The following YBX3 variants were observed in gnomAD, a reference collection of about 807,000 sequenced individuals.
YBX3 encodes the protein Y-box binding protein 3, also known as Y-box-binding protein 3.
YBX3 carries 29 observed loss-of-function variants against 42.4 expected under a neutral mutation model. The observed-to-expected ratio is 0.68, with a 90% confidence interval of 0.51 to 0.93. The LOEUF is 0.93. YBX3 is among the 40% of genes least tolerant of loss of function. The probability of loss-of-function intolerance (pLI) is 0.00; values close to 1 mark genes in which losing one functional copy is unlikely to be tolerated. For missense variants in YBX3, 517 were observed against 527.5 expected, an observed-to-expected ratio of 0.98 and a Z score of 0.19; for synonymous variants, 195 against 189.8, an observed-to-expected ratio of 1.03 and a Z score of -0.22.
At chr12:10,712,445 A>G (rs1327192703) in intron 5 of YBX3, 1 of 152,222 alleles carries the variant, frequency 6.6e-6, no homozygotes, top group African/African-American at 2.4e-5. Context: ...CAACCTAAAG[A>G]ACTAAAAATC....
intron 5 of YBX3, chr12:10,712,134 A>C (rs1041531099): frequency 6.6e-6 from 1 of 152,232 alleles, no homozygotes; most frequent in Non-Finnish European, 1.5e-5. Flanking sequence ...GAAAGATATA[A>C]AGCTATCAAA....
At chr12:10,702,381 C>T (rs936700149) in intron 7 of YBX3, 7 of 227,030 alleles carry the variant, frequency 3.1e-5, no homozygotes, top group South Asian at 2.2e-4. Flanking sequence ...ATTAGCCGGG[C>T]GTGGTGGCAC....
intron 6 of YBX3, among the ~76,000 whole-genome samples, chr12:10,705,373 A>C: frequency 6.6e-6 from 1 of 152,176 alleles, no homozygotes; most frequent in East Asian, 1.9e-4. Flanking sequence ...GATTACAGGC[A>C]TGAGCCACCA....
intron 1 of YBX3, chr12:10,721,986 C>CA (rs1948331977): frequency 6.6e-6 from 1 of 152,318 alleles, no homozygotes; most frequent in Admixed American, 6.5e-5. Flanking sequence ...ACTGCCCCCC[C>CA]AAATCTCAAC....
At chr12:10,702,991 A>G (rs1948098324) in intron 7 of YBX3, 1 of 152,142 alleles carries the variant, frequency 6.6e-6, no homozygotes, top group Non-Finnish European at 1.5e-5. Context: ...GTCAAATATG[A>G]CTTTCCAAGA....
At chr12:10,717,195 G>T (rs2120975717) in intron 3 of YBX3, among the ~76,000 whole-genome samples, 1 of 152,148 alleles carries the variant, frequency 6.6e-6, no homozygotes, top group East Asian at 1.9e-4. Flanking sequence ...AACTCCTACG[G>T]TCACTCCAAT....
At chr12:10,721,248 G>C (rs1948321381) in intron 1 of YBX3, among the ~76,000 whole-genome samples, 1 of 152,174 alleles carries the variant, frequency 6.6e-6, no homozygotes, top group Non-Finnish European at 1.5e-5. Flanking sequence ...AAAGATAAAA[G>C]GCATCAGACT....
intron 1 of YBX3, chr12:10,721,797 AC>A (rs1212023734): frequency 1.3e-5 from 2 of 152,104 alleles, no homozygotes; most frequent in African/African-American, 4.8e-5. Context: ...AGCATCCTAC[AC>A]CATCTGTTAA....
rs1171228476 is a variant in YBX3 at position 10,715,754 on chromosome 12, T to C, written c.390A>G (p.Lys130=). 2 of 1,613,962 alleles carry C rather than the reference T, an allele frequency of 1.2e-6. No homozygotes were observed. The highest frequency in any genetic ancestry group is 1.7e-6 in the Non-Finnish European group (2 of 1,179,992). ...CTCCATCTCCTACACTGCGCAGATA[T>C]TTCCGTGGGTTATTCTTCTTGATGG... The part of the protein sequence containing the change: ...QTAIKKNNPR[K]YLRSVGDGET... Residue 130 remains lysine (K), a synonymous_variant, in exon 4 of 10, where the codon AAA becomes AAG. Transcript: ENST00000228251.
rs554400177 is a variant in YBX3 at position 10,708,168 on chromosome 12, A to T, written c.780+1740T>A. ...ATATAATTATTTTCTCAAAGACAAC[A>T]AGCACATAGTAGCTCAGTGAATGAT... On this transcript the variant is annotated intron_variant, in intron 6 of 9. Transcript: ENST00000228251. Among the ~76,000 whole-genome samples, 5 of 152,354 alleles carry T rather than the reference A, an allele frequency of 3.3e-5. No individual in the cohort carries two copies. In the East Asian group the frequency reaches 9.6e-4, roughly 29 times the overall value.
At chr12:10,712,923 A>C in intron 5 of YBX3, 1 of 284,812 alleles carries the variant, frequency 3.5e-6, no homozygotes, top group Non-Finnish European at 6.5e-6. Flanking sequence ...TTTCCCCTTA[A>C]GAGTACCGTG....
Position 10,704,129 on chromosome 12 carries a change from A to T in YBX3, c.800T>A (p.Met267Lys). 1.2e-6 allele frequency: 2 copies of T among 1,614,210 alleles called. No individual in the cohort carries two copies. The highest frequency in any genetic ancestry group is 1.7e-6 in the Non-Finnish European group (2 of 1,180,024). The change falls in exon 7 of 10, where the codon ATG becomes AAG. Residue 267 changes from methionine to lysine, a missense_variant. This residue lies in a region of YBX3 where 420 missense variants were observed against 408.5 expected (regional missense o/e 1.03). Coordinates refer to ENST00000228251, the MANE Select transcript of YBX3 (RefSeq NM_003651.5). ...TGCTCCCTCTGGGACTCCATCCTTC[A>T]TCTCTCCAATCTCACCAGCCTGGAG... ...NRIQAGEIGE[M>K]KDGVPEGAQL... is the part of the protein sequence containing the mutation.
rs1305043946 is a variant in YBX3 at position 10,699,657 on chromosome 12, G to C, written c.*35-3C>G. On this transcript the variant is annotated splice_polypyrimidine_tract_variant and splice_region_variant and intron_variant, in intron 9 of 9. Coordinates refer to ENST00000228251, the MANE Select transcript of YBX3 (RefSeq NM_003651.5). ...TGGTCATTAATTCTTTAGGTCACCT[G>C]GGAAAAATTAAAATCAAACTTATAA... is the stretch of plus-strand genomic sequence containing the variant. 6.6e-6 allele frequency: 1 copy of C among 152,388 alleles called. No individual in the cohort carries two copies. The highest frequency in any genetic ancestry group is 1.9e-4 in the East Asian group (1 of 5,194). The allele number at this position is 152,388 out of a possible 1,614,324, so 9.4% of individuals were successfully genotyped here.
intron 1 of YBX3, 131 bp downstream of exon 1, chr12:10,722,719 T>C (rs929732925): frequency 7.0e-6 from 6 of 857,572 alleles, no homozygotes; most frequent in Non-Finnish European, 4.6e-6. Flanking sequence ...GACCCGGAGA[T>C]CCCTGGGGAC....
intron 8 of YBX3, 48 bp downstream of exon 8, chr12:10,701,912 A>G (rs763177307): frequency 1.9e-6 from 3 of 1,555,660 alleles, no homozygotes; most frequent in Non-Finnish European, 2.6e-6. Context: ...AAAGTCTGAC[A>G]TGATTAAAGA....
chr12:10,719,804 G>T (rs563021827), intron 1 of YBX3, among the ~76,000 whole-genome samples: 1 of 152,204 alleles, frequency 6.6e-6, no homozygotes, highest in South Asian at 2.1e-4. Flanking sequence ...ACAGTTTTGC[G>T]AATCAAACTT....
At position 10,699,576 on chromosome 12, in the gene YBX3, G is replaced by A. The variant is rs1001275794; in HGVS notation, c.*113C>T. 1 of 152,518 alleles carries A rather than the reference G, an allele frequency of 6.6e-6. No homozygotes were observed. The highest frequency in any genetic ancestry group is 6.5e-5 in the Admixed American group (1 of 15,270). 9.4% of individuals were successfully genotyped at this position (152,518 alleles called of 1,614,324 possible). A position where few individuals can be genotyped will look rare whatever the true frequency, so the allele number is the denominator to read the frequency against. On this transcript the variant is annotated 3_prime_UTR_variant, in exon 10 of 10. Transcript: ENST00000228251. ...TGGTTAGTCTTCCACTTTATTGCTTGGATGTTTCTTTGGTGTTGGTTAAGG... is the reference window on the plus strand; with the variant it reads ...TGGTTAGTCTTCCACTTTATTGCTTAGATGTTTCTTTGGTGTTGGTTAAGG...
intron 6 of YBX3, 143 bp from the exon 7 acceptor site, chr12:10,704,291 A>G: frequency 1.7e-6 from 1 of 594,688 alleles, no homozygotes; most frequent in Non-Finnish European, 3.0e-6. Flanking sequence ...TGCAACACAA[A>G]CTATTTATGA....
At chr12:10,716,283 C>T (rs1349245081) in intron 3 of YBX3, 4 of 163,442 alleles carry the variant, frequency 2.4e-5, no homozygotes, top group African/African-American at 4.8e-5. Flanking sequence ...TCCCATTTTG[C>T]AGATGAGTTA....
Sources: gnomAD v4.1 joint callset for allele counts (sites outside exome capture counted in the v4.1 genomes callset) on GRCh38, gnomAD v4.1.1 for gene constraint, gnomAD v4.1.1 regional missense constraint, MANE v1.5 for transcripts, NCBI Gene and HGNC (gene_info 2026-07-23, HGNC 2026-07-21) for gene names.